The following CBR3 variants were observed in gnomAD, a reference collection of about 807,000 sequenced individuals.
CBR3 encodes carbonyl reductase 3.
In CBR3, 14 loss-of-function variants were observed where a neutral mutation model predicts 11.6. That is an observed-to-expected ratio of 1.20 (90% CI 0.79 to 1.88). The LOEUF is 1.88. Among genes scored for constraint, CBR3 ranks in the 40% most tolerant of loss-of-function variants. CBR3 has a pLI of 0.00. For missense variants in CBR3, 308 were observed against 357.3 expected (o/e 0.86, Z 1.11); for synonymous variants, 125 against 145.6 (o/e 0.86, Z 1.02).
At chr21:36,141,684 G>A (rs1039430715) in intron 2 of CBR3, 1 of 152,332 alleles carries the variant, frequency 6.6e-6, no homozygotes, top group Admixed American at 6.5e-5. Context: ...CAGGTGTTTC[G>A]GGACCGGTGG....
chr21:36,142,207 C>T (rs958811062), intron 2 of CBR3, among the ~76,000 whole-genome samples: 13 of 152,024 alleles, frequency 8.6e-5, no homozygotes, highest in South Asian at 4.2e-4. Context: ...CCAAGGCGGG[C>T]GGATCATGAG....
At chr21:36,135,616 G>A in intron 1 of CBR3, 135 bp downstream of exon 1, 1 of 820,814 alleles carries the variant, frequency 1.2e-6, no homozygotes, top group East Asian at 3.2e-5. Flanking sequence ...CTCAGCCCAC[G>A]CCTCCCGCGA....
intron 1 of CBR3, among the ~76,000 whole-genome samples, chr21:36,136,599 C>G (rs941106709): frequency 1.3e-5 from 2 of 151,992 alleles, no homozygotes; most frequent in Non-Finnish European, 2.9e-5. Flanking sequence ...GGATAAATAC[C>G]CGGCTTCCTG....
At chr21:36,139,829 A>T (rs951879023) in intron 2 of CBR3, among the ~76,000 whole-genome samples, 7 of 151,530 alleles carry the variant, frequency 4.6e-5, no homozygotes, top group African/African-American at 1.5e-4. Context: ...AAAATATGGC[A>T]AGACCCTCAT....
At chr21:36,141,515 A>G (rs1236682157) in intron 2 of CBR3, 5 of 152,232 alleles carry the variant, frequency 3.3e-5, no homozygotes, top group East Asian at 1.9e-4. Context: ...TTCCTCATCC[A>G]TCAGTGAAGT....
intron 2 of CBR3, among the ~76,000 whole-genome samples, 198 bp downstream of exon 2, chr21:36,138,130 T>TTAGTA (rs1402809251): frequency 1.3e-5 from 2 of 151,738 alleles, no homozygotes; most frequent in African/African-American, 4.9e-5. Context: ...TTAGTTTAGT[T>TTAGTA]TAGTTTTGTT....
rs909990926 is a variant in CBR3, at chr21:36,135,474, C to G, written c.282C>G (p.Ala94=). 6.2e-6 allele frequency: 10 copies of G among 1,609,670 alleles called. No homozygotes were observed. The highest frequency in any genetic ancestry group is 1.7e-5 in the Admixed American group (1 of 59,730). The change falls in exon 1 of 3, where the codon GCC becomes GCG. Residue 94 remains alanine, a synonymous_variant. Transcript: ENST00000290354. ...LNVLVNNAAV[A]FKSDDPMPFD... is the part of the protein sequence containing the mutation. ...TACTGGTCAACAACGCGGCCGTCGC[C>G]TTCAAGAGTAGGTGCAGGGCTTGGG...
At position 36,145,972 on chromosome 21, in the gene CBR3, A is replaced by AC. The variant is rs1601357086; in HGVS notation, c.398-104_398-103insC. ...CGAGACTCTGTCTCAAAAAAAAAAAAAAAAAAAAACCTGCACCAAGACTCA... is the reference window on the plus strand; with the variant it reads ...CGAGACTCTGTCTCAAAAAAAAAAAACAAAAAAAAACCTGCACCAAGACTCA... On this transcript the variant is annotated intron_variant, in intron 2 of 2. Coordinates refer to ENST00000290354, the MANE Select transcript of CBR3 (RefSeq NM_001236.4). 21 of 803,168 alleles carry AC rather than the reference A, an allele frequency of 2.6e-5. No homozygotes were observed. The East Asian group carries it at 5.5e-4, about 21-fold the overall frequency. 49.8% of individuals were successfully genotyped at this position (803,168 alleles called of 1,614,324 possible).
intron 2 of CBR3, among the ~76,000 whole-genome samples, chr21:36,142,337 C>G (rs9978434): frequency 0.79 from 117,967 of 150,088 alleles, 46,343 homozygotes; most frequent in East Asian, 0.85. Flanking sequence ...GAGACTGAGG[C>G]AGGAGAATGG....
rs766045328 is a variant in CBR3 at position 36,146,273 on chromosome 21, T to A, written c.595T>A (p.Leu199Met). The change falls in exon 3 of 3, where the codon TTG becomes ATG. Residue 199 changes from leucine to methionine, a missense_variant. Coordinates refer to ENST00000290354, the MANE Select transcript of CBR3 (RefSeq NM_001236.4). ...WPNSPYGVSK[L>M]GVTVLSRILA... ...CAACTCACCTTATGGGGTGTCCAAG[T>A]TGGGGGTCACGGTCTTATCGAGGAT... The A allele has an allele frequency of 1.2e-6, 2 of 1,614,052 alleles. No individual in the cohort carries two copies. Among genetic ancestry groups the A allele is most frequent in the Non-Finnish European group, 8.5e-7 (1 of 1,180,004 alleles).
intron 2 of CBR3, among the ~76,000 whole-genome samples, chr21:36,139,903 T>TTC (rs780814735): frequency 2.0e-5 from 3 of 149,426 alleles, no homozygotes; most frequent in South Asian, 2.1e-4. Context: ...TTTTTTTTTT[T>TTC]CTGAGACAGA....
intron 2 of CBR3, among the ~76,000 whole-genome samples, chr21:36,142,431 CAA>C (rs71326645): frequency 9.9e-5 from 4 of 40,396 alleles, no homozygotes; most frequent in East Asian, 9.0e-4. Flanking sequence ...GACTCCATCT[CAA>C]AAAAAAAAAA....
In CBR3 at chr21:36,146,353, G is replaced by A. The variant is rs543844757; in HGVS notation, c.675G>A (p.Ala225=). The change falls in exon 3 of 3, where the codon GCG becomes GCA. Residue 225 remains alanine, a synonymous_variant. Coordinates refer to ENST00000290354, the MANE Select transcript of CBR3 (RefSeq NM_001236.4). The part of the protein sequence containing the change: ...KRKADRILVN[A]CCPGPVKTDM... The stretch of plus-strand genomic sequence containing the variant: ...AAGCTGACAGGATTCTGGTGAATGC[G>A]TGCTGCCCAGGACCAGTGAAGACAG... The A allele has an allele frequency of 1.1e-5, 18 of 1,614,148 alleles. No individual in the cohort carries two copies. Among genetic ancestry groups the A allele is most frequent in the South Asian group, 6.6e-5 (6 of 91,082 alleles).
Position 36,135,505 on chromosome 21 carries a change from GC to G in CBR3, c.289+29del, listed in dbSNP as rs769910236. ...GAGTAGGTGCAGGGCTTGGGTTGGG[GC>G]CCCCTGGAGCGCTCCGAGGGTGCGG... On this transcript the variant is annotated intron_variant, in intron 1 of 2. Coordinates refer to ENST00000290354, the MANE Select transcript of CBR3 (RefSeq NM_001236.4). 4 of 1,570,976 alleles carry G rather than the reference GC, an allele frequency of 2.5e-6. No individual in the cohort carries two copies. The African/African-American group carries it at 4.1e-5, about 16-fold the overall frequency.
At chr21:36,144,172 G>A (rs1245924979) in intron 2 of CBR3, among the ~76,000 whole-genome samples, 6 of 151,758 alleles carry the variant, frequency 4.0e-5, no homozygotes, top group Non-Finnish European at 7.4e-5. Context: ...AACTGCCAGC[G>A]GGCTGGGCAC....
chr21:36,137,634 CTG>C (rs1468863215), intron 1 of CBR3, among the ~76,000 whole-genome samples, 189 bp from the exon 2 acceptor site: 1 of 152,144 alleles, frequency 6.6e-6, no homozygotes. Flanking sequence ...GCCCAGGAAG[CTG>C]TGTTTTAACA....
Position 36,135,459 on chromosome 21 carries a change from C to A in CBR3, c.267C>A (p.Asn89Lys). 1 of 1,612,298 alleles carries A rather than the reference C, an allele frequency of 6.2e-7. No homozygotes were observed. Among genetic ancestry groups the A allele is most frequent in the Non-Finnish European group, 8.5e-7 (1 of 1,178,908 alleles). ...ACGGGGGGCTCAACGTACTGGTCAA[C>A]AACGCGGCCGTCGCCTTCAAGAGTA... ...KEYGGLNVLVNNAAVAFKSDD... is the reference protein window; with the variant it reads ...KEYGGLNVLVKNAAVAFKSDD... Residue 89 changes from asparagine to lysine, a missense_variant, in exon 1 of 3, where the codon AAC (asparagine) becomes AAA (lysine). Asn to Lys is a moderately conservative substitution (Grantham distance 94). Coordinates refer to ENST00000290354, the MANE Select transcript of CBR3 (RefSeq NM_001236.4).
At chr21:36,135,502 G>T in intron 1 of CBR3, 21 bp downstream of exon 1, 2 of 1,584,982 alleles carry the variant, frequency 1.3e-6, no homozygotes, top group Non-Finnish European at 1.7e-6. Context: ...GGCTTGGGTT[G>T]GGGCCCCCTG....
At chr21:36,135,615 C>T (rs865839177) in intron 1 of CBR3, 134 bp downstream of exon 1, 3 of 820,298 alleles carry the variant, frequency 3.7e-6, no homozygotes, top group African/African-American at 3.6e-5. Context: ...GCTCAGCCCA[C>T]GCCTCCCGCG....
Sources: gnomAD v4.1 joint callset for allele counts (sites outside exome capture counted in the v4.1 genomes callset) on GRCh38, gnomAD v4.1.1 for gene constraint, MANE v1.5 for transcripts, NCBI Gene and HGNC (gene_info 2026-07-23, HGNC 2026-07-21) for gene names.